The following DLGAP1 variants were observed in gnomAD, a reference collection of about 807,000 sequenced individuals.
The protein encoded by DLGAP1 is DLG associated protein 1.
DLGAP1 carries 11 observed loss-of-function variants against 90.8 expected under a neutral mutation model. The observed-to-expected ratio is 0.12, with a 90% confidence interval of 0.08 to 0.20. DLGAP1 has a LOEUF of 0.20. Among genes scored for constraint, DLGAP1 ranks in the 10% least tolerant of loss-of-function variants. The pLI is 1.00. For missense variants in DLGAP1, 1,050 were observed against 1,333.8 expected (o/e 0.79, Z 3.31); for synonymous variants, 558 against 540.7 (o/e 1.03, Z -0.44).
intron 4 of DLGAP1, among the ~76,000 whole-genome samples, chr18:3,857,876 C>G (rs757789963): frequency 6.6e-6 from 1 of 152,208 alleles, no homozygotes. Flanking sequence ...ATTCCTCCCT[C>G]TTCCTCATCC....
intron 9 of DLGAP1, among the ~76,000 whole-genome samples, chr18:3,557,938 A>T (rs1157192628): frequency 6.6e-6 from 1 of 152,192 alleles, no homozygotes; most frequent in Non-Finnish European, 1.5e-5. Context: ...ACAAAAAAAA[A>T]AAAATGGTTA....
chr18:3,610,614 C>A (rs1233139393), intron 7 of DLGAP1, among the ~76,000 whole-genome samples: 4 of 152,018 alleles, frequency 2.6e-5, no homozygotes, highest in Non-Finnish European at 5.9e-5. Context: ...GTGGGCAGAT[C>A]CCTTGAGCCC....
In DLGAP1 at chr18:4,067,020, T is replaced by C. The variant is rs140346385; in HGVS notation, c.-158-61819A>G. ...ATACAAAAGAATGAGATCATGTCCT[T>C]TGCAGGGACGTGGACGGAGCAGGGT... On this transcript the variant is annotated intron_variant, in intron 2 of 12. Coordinates refer to ENST00000315677, the MANE Select transcript of DLGAP1 (RefSeq NM_004746.4). Among the ~76,000 whole-genome samples, 693 of 152,276 alleles carry C rather than the reference T, an allele frequency of 4.6e-3. 3 individuals carry two copies. Among genetic ancestry groups the C allele is most frequent in the Middle Eastern group, 0.017 (5 of 294 alleles).
chr18:3,628,271 C>A (rs1217427014), intron 7 of DLGAP1, among the ~76,000 whole-genome samples: 1 of 149,924 alleles, frequency 6.7e-6, no homozygotes, highest in Non-Finnish European at 1.5e-5. Flanking sequence ...CTCGCTGTAA[C>A]CTCTGCCTCC....
At chr18:3,930,228 T>G (rs1046942775) in intron 3 of DLGAP1, among the ~76,000 whole-genome samples, 1 of 152,242 alleles carries the variant, frequency 6.6e-6, no homozygotes, top group Non-Finnish European at 1.5e-5. Context: ...TCTTTTCCTA[T>G]TTTTCTATTG....
intron 4 of DLGAP1, among the ~76,000 whole-genome samples, chr18:3,831,371 G>A (rs1041473310): frequency 1.3e-5 from 2 of 151,976 alleles, no homozygotes; most frequent in African/African-American, 4.8e-5. Context: ...TGTGATGCAT[G>A]TGCAGAACAT....
chr18:4,391,811 T>C (rs931373946), intron 1 of DLGAP1, among the ~76,000 whole-genome samples: 1 of 152,188 alleles, frequency 6.6e-6, no homozygotes, highest in African/African-American at 2.4e-5. Flanking sequence ...AGTTTCTGAA[T>C]GTCTCCAGAA....
At chr18:3,902,118 T>C (rs539347916) in intron 3 of DLGAP1, among the ~76,000 whole-genome samples, 1 of 152,346 alleles carries the variant, frequency 6.6e-6, no homozygotes, top group South Asian at 2.1e-4. Flanking sequence ...CATTCTCTTT[T>C]AATCCTTTTA....
At position 3,523,643 on chromosome 18, in the gene DLGAP1, C is replaced by A. The variant is rs13381019; in HGVS notation, c.2479+10551G>T. Among the ~76,000 whole-genome samples, 474 of 151,790 alleles carry A rather than the reference C, an allele frequency of 3.1e-3. 5 individuals are homozygous for A. The highest frequency in any genetic ancestry group is 6.0e-3 in the South Asian group (29 of 4,812). On this transcript the variant is annotated intron_variant, in intron 10 of 12. Coordinates refer to ENST00000315677, the MANE Select transcript of DLGAP1 (RefSeq NM_004746.4). ...AGGGCGGATCACGAGGTCAGGAGAT[C>A]GAGACCATCCTGGCTAACACGGTGA...
chr18:4,093,144 G>GTGTA (rs1011150415), intron 2 of DLGAP1, among the ~76,000 whole-genome samples: 7 of 152,166 alleles, frequency 4.6e-5, no homozygotes, highest in Non-Finnish European at 8.8e-5. Context: ...TGTATTGTAT[G>GTGTA]TGTATGTATG....
At chr18:3,800,013 A>C (rs1428536428) in intron 5 of DLGAP1, among the ~76,000 whole-genome samples, 1 of 152,218 alleles carries the variant, frequency 6.6e-6, no homozygotes, top group Non-Finnish European at 1.5e-5. Flanking sequence ...ACCTAATTTT[A>C]AAATGGCCCC....
At chr18:3,761,232 C>G (rs898099380) in intron 5 of DLGAP1, among the ~76,000 whole-genome samples, 1 of 152,186 alleles carries the variant, frequency 6.6e-6, no homozygotes, top group Admixed American at 6.5e-5. Flanking sequence ...CCATTAGACA[C>G]GAACTCCCCG....
chr18:3,909,994 G>C (rs1456224349), intron 3 of DLGAP1, among the ~76,000 whole-genome samples: 1 of 151,662 alleles, frequency 6.6e-6, no homozygotes, highest in Non-Finnish European at 1.5e-5. Flanking sequence ...ATTTCTTATG[G>C]GTTCAATGAG....
At chr18:3,951,643 TGAATTGTAATTCCTACGTGTTGGGAGAG>T (rs2072987261) in intron 3 of DLGAP1, among the ~76,000 whole-genome samples, 1 of 152,218 alleles carries the variant, frequency 6.6e-6, no homozygotes, top group African/African-American at 2.4e-5. Context: ...AATTGTAATC[TGAATTGTAATTCCTACGTGTTGGGAGAG>T]GGACCTGGTG....
At chr18:4,409,115 A>T (rs1203039363) in intron 1 of DLGAP1, among the ~76,000 whole-genome samples, 4 of 152,098 alleles carry the variant, frequency 2.6e-5, no homozygotes, top group Non-Finnish European at 4.4e-5. Flanking sequence ...AAAATAATTT[A>T]AAAAATGGTA....
intron 1 of DLGAP1, among the ~76,000 whole-genome samples, chr18:4,204,024 A>G (rs551345019): frequency 1.3e-5 from 2 of 152,348 alleles, no homozygotes; most frequent in African/African-American, 4.8e-5. Flanking sequence ...TGACTGTCAA[A>G]TAACACATGG....
At chr18:3,721,709 C>T (rs904649985) in intron 7 of DLGAP1, 1 of 152,020 alleles carries the variant, frequency 6.6e-6, no homozygotes, top group Non-Finnish European at 1.5e-5. Context: ...AGCTCCTAGG[C>T]CTTTTATTCT....
At chr18:3,781,187 A>C (rs1030108240) in intron 5 of DLGAP1, among the ~76,000 whole-genome samples, 1 of 152,008 alleles carries the variant, frequency 6.6e-6, no homozygotes, top group Non-Finnish European at 1.5e-5. Context: ...ATATGATATT[A>C]TGTATCTTGT....
At chr18:3,523,927 A>G (rs1368270537) in intron 10 of DLGAP1, among the ~76,000 whole-genome samples, 1 of 152,088 alleles carries the variant, frequency 6.6e-6, no homozygotes, top group Non-Finnish European at 1.5e-5. Context: ...ACAAAACCAG[A>G]AGAAACAAAA....
Sources: allele counts gnomAD v4.1 joint callset (sites outside exome capture counted in the v4.1 genomes callset), GRCh38; gene constraint gnomAD v4.1.1; transcripts MANE v1.5; gene names NCBI Gene and HGNC (gene_info 2026-07-23, HGNC 2026-07-21).